The following PPARGC1A variants were observed in gnomAD, a reference collection of about 807,000 sequenced individuals.
PPARGC1A encodes the protein peroxisome proliferator-activated receptor gamma coactivator 1-alpha.
Under a neutral mutation model 88.7 loss-of-function variants are expected in PPARGC1A, and 25 were observed. That is an observed-to-expected ratio of 0.28 (90% CI 0.21 to 0.39). The LOEUF (loss-of-function observed/expected upper bound fraction) is 0.39, where lower values mean the gene tolerates loss of function less well. PPARGC1A is among the 10% of genes least tolerant of loss of function. The pLI is 1.00. For synonymous variants in PPARGC1A, 363 were observed against 355.6 expected (o/e 1.02, Z -0.24); for missense variants, 880 against 968.7 (o/e 0.91, Z 1.22).
At chr4:24,229,152 C>CTTTTTTTTGTTTTTTTTTTTTT in the PPARGC1A span, among the ~76,000 whole-genome samples, 1 of 60,894 alleles carries the variant, frequency 1.6e-5, no homozygotes, top group Non-Finnish European at 3.1e-5. Context: ...GTATCTGGAC[C>CTTTTTTTTGTTTTTTTTTTTTT]TTTTTTTTTT....
chr4:23,835,489 T>TGC (rs934475243), intron 2 of PPARGC1A, among the ~76,000 whole-genome samples: 6 of 151,346 alleles, frequency 4.0e-5, no homozygotes, highest in African/African-American at 1.5e-4. Context: ...TGTGTGTGTG[T>TGC]GTGTGTGTGT....
chr4:24,018,768 CTT>C, the PPARGC1A span, among the ~76,000 whole-genome samples: 6 of 151,480 alleles, frequency 4.0e-5, no homozygotes, highest in South Asian at 2.1e-4. Context: ...CACTTTCACT[CTT>C]TTTTTTTTCA....
chr4:23,792,827 T>G lies in PPARGC1A; in HGVS notation c.*2995A>C, dbSNP rs1013723931. 6.6e-6 allele frequency: 1 copy of G among 152,452 alleles called. No individual in the cohort carries two copies. The highest frequency in any genetic ancestry group is 1.5e-5 in the Non-Finnish European group (1 of 68,010). 9.4% of individuals were successfully genotyped at this position (152,452 alleles called of 1,614,324 possible). On this transcript the variant is annotated 3_prime_UTR_variant, in exon 13 of 13. Coordinates refer to ENST00000264867, the MANE Select transcript of PPARGC1A (RefSeq NM_013261.5). ...AAATGAGAGGAGCACAGCTTACATT[T>G]TGATGGGCTACCCACAGTGTCTGCA... is the stretch of plus-strand genomic sequence containing the variant.
At chr4:24,403,070 A>G in the PPARGC1A span, among the ~76,000 whole-genome samples, 2 of 152,238 alleles carry the variant, frequency 1.3e-5, no homozygotes, top group Non-Finnish European at 2.9e-5. Context: ...AGTTCAGAGC[A>G]GCCAAATCCC....
chr4:23,957,251 C>T, the PPARGC1A span, among the ~76,000 whole-genome samples: 2 of 152,050 alleles, frequency 1.3e-5, no homozygotes, highest in African/African-American at 4.8e-5. Context: ...TGAGAGTGTC[C>T]CTTGTCTCCC....
the PPARGC1A span, among the ~76,000 whole-genome samples, chr4:24,052,035 G>T: frequency 8.8e-6 from 1 of 113,906 alleles, no homozygotes; most frequent in East Asian, 2.3e-4. Flanking sequence ...GAAGATAAAG[G>T]GTAAGGGGCA....
Position 23,889,325 on chromosome 4 carries a change from C to T in PPARGC1A, c.54+579G>A, listed in dbSNP as rs1222664251. On this transcript the variant is annotated intron_variant, in intron 1 of 12. Transcript: ENST00000264867. The stretch of plus-strand genomic sequence containing the variant: ...ATTCGCTGGCCAAATCTTTCAACCA[C>T]GTATAGGAGTTTTAAAGGAAGCAGC... The T allele has an allele frequency of 4.1e-6, 4 of 985,260 alleles. No individual in the cohort carries two copies. The East Asian group carries it at 4.5e-4, about 112-fold the overall frequency. The allele number at this position is 985,260 out of a possible 1,614,324, so 61.0% of individuals were successfully genotyped here.
the PPARGC1A span, among the ~76,000 whole-genome samples, chr4:24,195,031 T>A: frequency 6.6e-6 from 1 of 152,194 alleles, no homozygotes; most frequent in Non-Finnish European, 1.5e-5. Context: ...ATAAAACTTG[T>A]GTATGTATGA....
intron 8 of PPARGC1A, 148 bp from the exon 9 acceptor site, chr4:23,813,273 G>T: frequency 2.8e-6 from 2 of 704,482 alleles, no homozygotes; most frequent in South Asian, 1.8e-5. Context: ...GTGACAGTTT[G>T]TGATCATCTA....
chr4:24,383,994 C>A, the PPARGC1A span, among the ~76,000 whole-genome samples: 1 of 152,160 alleles, frequency 6.6e-6, no homozygotes, highest in African/African-American at 2.4e-5. Flanking sequence ...AGGTTACCCA[C>A]AAATAGAAGC....
chr4:24,401,009 A>AT, the PPARGC1A span, among the ~76,000 whole-genome samples: 138,940 of 142,238 alleles, frequency 0.98, 67,938 homozygotes, highest in East Asian at 1. Flanking sequence ...AATATACCTG[A>AT]ATTTTCTTTT....
chr4:24,071,481 G>C, the PPARGC1A span, among the ~76,000 whole-genome samples: 4 of 147,104 alleles, frequency 2.7e-5, no homozygotes, highest in Non-Finnish European at 4.5e-5. Flanking sequence ...TATTTTTCCT[G>C]TTCCAAATTG....
the PPARGC1A span, among the ~76,000 whole-genome samples, chr4:24,440,406 A>G: frequency 6.6e-6 from 1 of 152,250 alleles, no homozygotes; most frequent in Non-Finnish European, 1.5e-5. Flanking sequence ...GCTGAGGTTC[A>G]GCCAGTTCAC....
the PPARGC1A span, among the ~76,000 whole-genome samples, chr4:24,359,832 A>G: frequency 6.6e-6 from 1 of 152,080 alleles, no homozygotes; most frequent in East Asian, 1.9e-4. Context: ...ATAGAAAATG[A>G]CCCTGCCAAT....
At chr4:24,429,778 A>G in the PPARGC1A span, among the ~76,000 whole-genome samples, 1 of 151,462 alleles carries the variant, frequency 6.6e-6, no homozygotes, top group East Asian at 1.9e-4. Context: ...CAGCCTCCCA[A>G]GTAGCTGAGA....
intron 5 of PPARGC1A, 33 bp from the exon 6 acceptor site, chr4:23,824,541 T>C: frequency 6.6e-7 from 1 of 1,523,534 alleles, no homozygotes. Flanking sequence ...AATTATGTAA[T>C]ATTGAGTGTC....
chr4:23,987,957 C>T, the PPARGC1A span, among the ~76,000 whole-genome samples: 2 of 151,168 alleles, frequency 1.3e-5, no homozygotes, highest in Admixed American at 6.6e-5. Context: ...CACCCCCCAA[C>T]AGGCCCCAGT....
chr4:23,865,891 A>C (rs1711836104), intron 2 of PPARGC1A, among the ~76,000 whole-genome samples: 1 of 151,972 alleles, frequency 6.6e-6, no homozygotes, highest in Non-Finnish European at 1.5e-5. Context: ...GTATATTGTT[A>C]AGTGTTGTAA....
At chr4:24,395,992 AGCCTTCACACTG>A in the PPARGC1A span, among the ~76,000 whole-genome samples, 1 of 152,160 alleles carries the variant, frequency 6.6e-6, no homozygotes, top group African/African-American at 2.4e-5. Flanking sequence ...CAGTCTTCCA[AGCCTTCACACTG>A]GCCTTCAATC....
Sources: allele counts gnomAD v4.1 joint callset (sites outside exome capture counted in the v4.1 genomes callset), GRCh38; gene constraint gnomAD v4.1.1; transcripts MANE v1.5; gene names NCBI Gene and HGNC (gene_info 2026-07-23, HGNC 2026-07-21).